The following EPHB1 variants were observed in gnomAD, a reference collection of about 807,000 sequenced individuals.
EPHB1 encodes ephrin type-B receptor 1.
A neutral mutation model predicts 94.4 loss-of-function variants in EPHB1; 30 were observed. The observed-to-expected ratio is 0.32, with a 90% CI of 0.24 to 0.43. The LOEUF (loss-of-function observed/expected upper bound fraction) is 0.43. Ranked by LOEUF, EPHB1 falls within the 20% of genes least tolerant of loss-of-function variation. EPHB1 has a pLI of 1.00. For missense variants in EPHB1, 1,055 were observed against 1,308.3 expected (o/e 0.81, Z 2.99); for synonymous variants, 522 against 489.1 (o/e 1.07, Z -0.89).
intron 3 of EPHB1, among the ~76,000 whole-genome samples, chr3:135,013,519 T>C (rs542789859): frequency 6.6e-6 from 1 of 152,214 alleles, no homozygotes; most frequent in South Asian, 2.1e-4. Flanking sequence ...CAGACAATCT[T>C]AGGGTGAGAG....
intron 1 of EPHB1, among the ~76,000 whole-genome samples, chr3:134,870,231 A>C (rs1462967557): frequency 4.6e-5 from 7 of 152,174 alleles, no homozygotes. Flanking sequence ...ACTTCGGCCC[A>C]CATCTAGACC....
chr3:135,144,878 G>A (rs911752659), intron 5 of EPHB1, among the ~76,000 whole-genome samples: 2 of 152,222 alleles, frequency 1.3e-5, no homozygotes, highest in Admixed American at 1.3e-4. Flanking sequence ...CCAGGGTAAG[G>A]AGGAAGATAG....
intron 1 of EPHB1, among the ~76,000 whole-genome samples, chr3:134,882,686 T>C (rs1170207530): frequency 6.6e-6 from 1 of 151,104 alleles, no homozygotes; most frequent in Non-Finnish European, 1.5e-5. Context: ...CCTTCTTTCC[T>C]TCTTCTTTCC....
chr3:134,803,539 C>T (rs2035973250), intron 1 of EPHB1, among the ~76,000 whole-genome samples: 1 of 152,184 alleles, frequency 6.6e-6, no homozygotes, highest in Admixed American at 6.5e-5. Context: ...AAAAAACTTT[C>T]CAGGAGTCCT....
intron 1 of EPHB1, among the ~76,000 whole-genome samples, chr3:134,869,725 C>T (rs939780991): frequency 2.8e-5 from 4 of 144,784 alleles, no homozygotes; most frequent in Non-Finnish European, 6.0e-5. Flanking sequence ...CTTTGTCTTA[C>T]TCTATACAAA....
intron 1 of EPHB1, among the ~76,000 whole-genome samples, chr3:134,836,834 AG>A (rs2036681287): frequency 6.6e-6 from 1 of 152,228 alleles, no homozygotes; most frequent in South Asian, 2.1e-4. Context: ...GAAAAGAAAT[AG>A]GAGCTCCCCT....
rs1448321904 is a variant in EPHB1 at position 134,958,425 on chromosome 3, T to A, written c.805+6373T>A. Among the ~76,000 whole-genome samples, 27 of 151,208 alleles carry A rather than the reference T, an allele frequency of 1.8e-4. 1 individual carries two copies. The highest frequency in any genetic ancestry group is 6.6e-4 in the Admixed American group (10 of 15,162). ...AGGAACACAAGGGAGTGTGTGTGTGTGTGTGTGTGTGTGTGTGTGTGTGTG... is the reference window on the plus strand; with the variant it reads ...AGGAACACAAGGGAGTGTGTGTGTGAGTGTGTGTGTGTGTGTGTGTGTGTG... On this transcript the variant is annotated intron_variant, in intron 3 of 15. Coordinates refer to ENST00000398015, the MANE Select transcript of EPHB1 (RefSeq NM_004441.5).
intron 15 of EPHB1, among the ~76,000 whole-genome samples, chr3:135,251,351 T>C (rs1207577938): frequency 6.6e-6 from 1 of 152,110 alleles, no homozygotes; most frequent in African/African-American, 2.4e-5. Flanking sequence ...GAAATGGGTG[T>C]TTATGAAGAC....
At chr3:134,977,577 C>T (rs1934237679) in intron 3 of EPHB1, among the ~76,000 whole-genome samples, 1 of 152,204 alleles carries the variant, frequency 6.6e-6, no homozygotes, top group Non-Finnish European at 1.5e-5. Context: ...ATTCAGTCTT[C>T]TCCAGGGCCA....
At chr3:134,894,302 A>G (rs1033732179) in intron 1 of EPHB1, among the ~76,000 whole-genome samples, 5 of 152,078 alleles carry the variant, frequency 3.3e-5, no homozygotes, top group African/African-American at 1.2e-4. Flanking sequence ...TGAAAAGAGG[A>G]CTTGGACTGG....
intron 1 of EPHB1, among the ~76,000 whole-genome samples, chr3:134,851,481 T>G (rs1357376242): frequency 6.6e-6 from 1 of 152,036 alleles, no homozygotes; most frequent in Non-Finnish European, 1.5e-5. Context: ...GCAACTCCCC[T>G]TGCAGCTTCC....
chr3:135,118,713 T>C (rs1359724650), intron 4 of EPHB1, among the ~76,000 whole-genome samples: 1 of 152,180 alleles, frequency 6.6e-6, no homozygotes, highest in Non-Finnish European at 1.5e-5. Context: ...GTGCTCTCCA[T>C]GCAAGGCGGC....
At chr3:134,945,751 T>G (rs1185646931) in intron 2 of EPHB1, among the ~76,000 whole-genome samples, 1 of 152,218 alleles carries the variant, frequency 6.6e-6, no homozygotes, top group Non-Finnish European at 1.5e-5. Context: ...ATATGTCAAA[T>G]GCCTAGAAGT....
At chr3:135,162,659 A>T (rs1941541364) in intron 7 of EPHB1, among the ~76,000 whole-genome samples, 1 of 152,218 alleles carries the variant, frequency 6.6e-6, no homozygotes. Context: ...AAGCAACTTC[A>T]CATGTGACCC....
chr3:135,158,874 A>T (rs1382623416), intron 6 of EPHB1, among the ~76,000 whole-genome samples: 3 of 152,224 alleles, frequency 2.0e-5, no homozygotes, highest in Non-Finnish European at 1.5e-5. Flanking sequence ...ATAACTATAT[A>T]GGCTAGGACT....
chr3:135,168,311 A>T (rs959291845), intron 9 of EPHB1, among the ~76,000 whole-genome samples: 15 of 152,216 alleles, frequency 9.9e-5, no homozygotes, highest in Non-Finnish European at 1.6e-4. Flanking sequence ...TACCATCAGC[A>T]GCCCAAGTGT....
At chr3:134,920,008 C>T (rs1202211470) in intron 1 of EPHB1, among the ~76,000 whole-genome samples, 1 of 152,106 alleles carries the variant, frequency 6.6e-6, no homozygotes. Flanking sequence ...CCATTTTATT[C>T]CATGCTCACA....
At chr3:135,152,572 T>A (rs1941225831) in intron 5 of EPHB1, among the ~76,000 whole-genome samples, 1 of 152,122 alleles carries the variant, frequency 6.6e-6, no homozygotes, top group African/African-American at 2.4e-5. Context: ...AAAGGTCTGA[T>A]CTCTGTAAAG....
intron 3 of EPHB1, among the ~76,000 whole-genome samples, chr3:134,966,085 G>T (rs1379107217): frequency 6.6e-6 from 1 of 152,194 alleles, no homozygotes; most frequent in African/African-American, 2.4e-5. Context: ...ACACAGAGGG[G>T]CAAGGGAGAG....
Sources: allele counts gnomAD v4.1 joint callset (sites outside exome capture counted in the v4.1 genomes callset), GRCh38; gene constraint gnomAD v4.1.1; transcripts MANE v1.5; gene names NCBI Gene and HGNC (gene_info 2026-07-23, HGNC 2026-07-21).